Variants in PKHD1L1 observed in about 807,000 individuals in gnomAD.
PKHD1L1 encodes PKHD1 like 1.
In PKHD1L1, 434 loss-of-function variants were observed where a neutral mutation model predicts 462.9. The observed-to-expected ratio is 0.94, with a 90% CI of 0.87 to 1.02. The LOEUF (loss-of-function observed/expected upper bound fraction) is 1.02. Among genes scored for constraint, PKHD1L1 ranks in the 50% least tolerant of loss-of-function variants. PKHD1L1 has a pLI of 0.00. For missense variants in PKHD1L1, 5,202 were observed against 5,096.1 expected, an observed-to-expected ratio of 1.02 and a Z score of -0.63; for synonymous variants, 1,781 against 1,750.0, an observed-to-expected ratio of 1.02 and a Z score of -0.44.
chr8:109,478,395 G>A (rs559029602), intron 53 of PKHD1L1, among the ~76,000 whole-genome samples: 2 of 152,164 alleles, frequency 1.3e-5, no homozygotes, highest in South Asian at 4.1e-4. Flanking sequence ...AAACAAAAAA[G>A]TAAACAGAAG....
In PKHD1L1 at chr8:109,444,981, A is replaced by G; in HGVS notation, c.5112A>G (p.Ser1704=). ...LMGHFPCKVL[S]VNYTAIECET... The stretch of plus-strand genomic sequence containing the variant: ...GTCATTTCCCATGTAAAGTTCTATC[A>G]GTGAATTATACGGCCATTGAATGTG... Residue 1704 remains serine, a synonymous_variant, in exon 38 of 78, where the codon TCA becomes TCG. Transcript: ENST00000378402. 6.2e-7 allele frequency: 1 copy of G among 1,614,006 alleles called. No individual in the cohort carries two copies. Among genetic ancestry groups the G allele is most frequent in the Non-Finnish European group, 8.5e-7 (1 of 1,179,880 alleles).
chr8:109,484,475 T>A (rs1818427367), intron 57 of PKHD1L1, among the ~76,000 whole-genome samples: 1 of 151,838 alleles, frequency 6.6e-6, no homozygotes, highest in African/African-American at 2.4e-5. Flanking sequence ...AAACAGGTAG[T>A]GTGATAGAGA....
Position 109,420,944 on chromosome 8 carries a change from C to T in PKHD1L1, c.2697+254C>T, listed in dbSNP as rs554003873. On this transcript the variant is annotated intron_variant, in intron 23 of 77. Coordinates refer to ENST00000378402, the MANE Select transcript of PKHD1L1 (RefSeq NM_177531.6). ...ATTTAAGTAGAGTTTTCTCTGTGGA[C>T]GTAAAAGAAAAAATTATGGTCTCTT... 3.3e-5 allele frequency among the ~76,000 whole-genome samples: 5 copies of T among 151,212 alleles called. No individual in the cohort carries two copies. In the South Asian group the frequency reaches 6.3e-4, roughly 19 times the overall value.
chr8:109,465,070 T>G lies in PKHD1L1; in HGVS notation c.8238T>G (p.Phe2746Leu), dbSNP rs1563575562. The change falls in exon 49 of 78, where the codon TTT (phenylalanine) becomes TTG (leucine). Residue 2746 changes from phenylalanine to leucine, a missense_variant. Phe to Leu is a conservative substitution (Grantham distance 22, BLOSUM62 0). Transcript: ENST00000378402. ...LTVSSVHFMN[F>L]DRPNCVALGV... ...TCTCTTCTGTGCACTTTATGAACTT[T>G]GACCGTCCCAACTGTGTAGCTTTGG... 1 of 1,613,746 alleles carries G rather than the reference T, an allele frequency of 6.2e-7. No homozygotes were observed. Among genetic ancestry groups the G allele is most frequent in the Non-Finnish European group, 8.5e-7 (1 of 1,179,806 alleles).
chr8:109,406,692 C>T (rs945783305), intron 17 of PKHD1L1, among the ~76,000 whole-genome samples: 1 of 152,118 alleles, frequency 6.6e-6, no homozygotes, highest in Non-Finnish European at 1.5e-5. Flanking sequence ...ACTACAAATG[C>T]GTTTTCCATA....
chr8:109,523,623 C>T (rs965486712), intron 76 of PKHD1L1, among the ~76,000 whole-genome samples: 5 of 151,876 alleles, frequency 3.3e-5, no homozygotes, highest in African/African-American at 4.8e-5. Flanking sequence ...ATGATTTATC[C>T]ATTTGTATAC....
chr8:109,440,819 A>G lies in PKHD1L1; in HGVS notation c.4066A>G (p.Ser1356Gly), dbSNP rs1448446067. ...TEITIRGFGF[S>G]TIPAENTVLL... ...AATCACCATAAGGGGTTTTGGATTCAGCACAATACCAGCTGAGAATACCGT... is the reference window on the plus strand; with the variant it reads ...AATCACCATAAGGGGTTTTGGATTCGGCACAATACCAGCTGAGAATACCGT... Residue 1356 changes from serine to glycine, a missense_variant, in exon 33 of 78, where the codon AGC (serine) becomes GGC (glycine). This residue lies in a region of PKHD1L1 where 4,497 missense variants were observed against 4,336.8 expected (regional missense o/e 1.04). Coordinates refer to ENST00000378402, the MANE Select transcript of PKHD1L1 (RefSeq NM_177531.6). 6.2e-6 allele frequency: 10 copies of G among 1,612,924 alleles called. No homozygotes were observed. Among genetic ancestry groups the G allele is most frequent in the Non-Finnish European group, 8.5e-6 (10 of 1,179,206 alleles).
At chr8:109,406,168 T>C (rs1462748678) in intron 16 of PKHD1L1, among the ~76,000 whole-genome samples, 167 bp from the exon 17 acceptor site, 1 of 152,212 alleles carries the variant, frequency 6.6e-6, no homozygotes, top group Non-Finnish European at 1.5e-5. Flanking sequence ...TCAATATTAC[T>C]GAACTTGAAT....
At chr8:109,464,171 A>G in intron 48 of PKHD1L1, 45 bp from the exon 49 acceptor site, 1 of 1,297,152 alleles carries the variant, frequency 7.7e-7, no homozygotes, top group East Asian at 2.6e-5. Context: ...TATGAGCTCA[A>G]CATCTGAGCT....
At chr8:109,390,809 T>G (rs1008084789) in intron 9 of PKHD1L1, among the ~76,000 whole-genome samples, 4 of 152,150 alleles carry the variant, frequency 2.6e-5, no homozygotes, top group Non-Finnish European at 5.9e-5. Context: ...AGTAATTAAA[T>G]TTAGATTTAA....
At chr8:109,386,032 AAC>A (rs935879355) in intron 6 of PKHD1L1, among the ~76,000 whole-genome samples, 1 of 152,172 alleles carries the variant, frequency 6.6e-6, no homozygotes, top group Non-Finnish European at 1.5e-5. Flanking sequence ...TCAGGAGTAG[AAC>A]ACAGTCTCGT....
At chr8:109,404,318 A>C (rs1365078095) in intron 14 of PKHD1L1, among the ~76,000 whole-genome samples, 2 of 152,128 alleles carry the variant, frequency 1.3e-5, no homozygotes. Context: ...AAGCTGAATG[A>C]ATTGGTTATG....
At chr8:109,376,108 ACAGAGGCAGG>A (rs1260469814) in intron 2 of PKHD1L1, among the ~76,000 whole-genome samples, 1 of 152,242 alleles carries the variant, frequency 6.6e-6, no homozygotes, top group Non-Finnish European at 1.5e-5. Flanking sequence ...GGTGGAGCCT[ACAGAGGCAGG>A]CAGGCCTCCT....
At position 109,464,372 on chromosome 8, in the gene PKHD1L1, G is replaced by A; in HGVS notation, c.7540G>A (p.Glu2514Lys). 6.2e-7 allele frequency: 1 copy of A among 1,613,300 alleles called. No homozygotes were observed. The highest frequency in any genetic ancestry group is 2.2e-5 in the East Asian group (1 of 44,836). ...TCATAACACACACCATCTTCTGGTT[G>A]AGAGGAATATTATATATGATATTAA... Reference protein sequence around the residue: ...TIHNTHHLLVERNIIYDIKGG... With the variant: ...TIHNTHHLLVKRNIIYDIKGG... The change falls in exon 49 of 78, where the codon GAG becomes AAG. Residue 2514 changes from glutamate (E) to lysine (K), a missense_variant. Coordinates refer to ENST00000378402, the MANE Select transcript of PKHD1L1 (RefSeq NM_177531.6).
intron 77 of PKHD1L1, among the ~76,000 whole-genome samples, chr8:109,527,780 C>T (rs1284036143): frequency 6.6e-6 from 1 of 152,160 alleles, no homozygotes; most frequent in Non-Finnish European, 1.5e-5. Context: ...CTCACCACCC[C>T]CAATCTTCAT....
At chr8:109,526,674 T>A in intron 76 of PKHD1L1, 110 bp from the exon 77 acceptor site, 1 of 939,008 alleles carries the variant, frequency 1.1e-6, no homozygotes, top group Non-Finnish European at 1.6e-6. Flanking sequence ...TCAAAAATAT[T>A]TCATCAGGAT....
chr8:109,447,552 A>T (rs914205496), intron 38 of PKHD1L1, among the ~76,000 whole-genome samples: 1 of 152,208 alleles, frequency 6.6e-6, no homozygotes, highest in Non-Finnish European at 1.5e-5. Flanking sequence ...GAATCTAATT[A>T]TTTGTTCTAT....
chr8:109,485,400 T>C (rs1305753614), intron 58 of PKHD1L1, among the ~76,000 whole-genome samples: 1 of 151,948 alleles, frequency 6.6e-6, no homozygotes, highest in Non-Finnish European at 1.5e-5. Context: ...GACTTACTGT[T>C]TGACATTTTA....
intron 59 of PKHD1L1, 34 bp downstream of exon 59, chr8:109,486,855 G>T (rs1818554688): frequency 1.3e-6 from 2 of 1,577,880 alleles, no homozygotes; most frequent in South Asian, 2.3e-5. Context: ...TTCTAAATGA[G>T]CTATAACATT....
Sources: allele counts gnomAD v4.1 joint callset (sites outside exome capture counted in the v4.1 genomes callset), GRCh38; gene constraint gnomAD v4.1.1; regional missense constraint gnomAD v4.1.1; transcripts MANE v1.5; gene names NCBI Gene and HGNC (gene_info 2026-07-23, HGNC 2026-07-21).